The following CFAP47 variants were observed in gnomAD, a reference collection of about 807,000 sequenced individuals.
The protein encoded by CFAP47 is cilia- and flagella-associated protein 47.
A neutral mutation model predicts 148.1 loss-of-function variants in CFAP47; 29 were observed. The ratio of observed to expected loss-of-function variants is 0.20; its 90% confidence interval spans 0.15 to 0.27. The LOEUF (loss-of-function observed/expected upper bound fraction) is 0.27. CFAP47 is among the 10% of genes least tolerant of loss of function. The probability of loss-of-function intolerance (pLI) is 1.00; values close to 1 mark genes in which losing one functional copy is unlikely to be tolerated. For missense variants in CFAP47, 1,872 were observed against 1,697.5 expected (o/e 1.10, Z -1.81); for synonymous variants, 664 against 577.3 (o/e 1.15, Z -2.15).
intron 57 of CFAP47, among the ~76,000 whole-genome samples, chrX:36,326,629 GC>G (rs2146970228): frequency 8.9e-6 from 1 of 111,970 alleles, no homozygotes; most frequent in South Asian, 3.7e-4. Context: ...GCGGCATTTT[GC>G]CCCTGCCCTA....
intron 53 of CFAP47, among the ~76,000 whole-genome samples, chrX:36,301,921 G>A (rs782128413): frequency 3.1e-4 from 34 of 110,557 alleles, no homozygotes; most frequent in Non-Finnish European, 4.7e-4. Context: ...ATACACCGTA[G>A]TGAGCAAATT....
rs111227734 is a variant in CFAP47 at position 36,070,872 on chromosome X, C to T, written c.4319-953C>T. On this transcript the variant is annotated intron_variant, in intron 27 of 63. Transcript: ENST00000378653. ...TGCCATGGCAACATTTGGGAGTTAC[C>T]GCCCCTTTACATGGCAATGATCCAA... Among the ~76,000 whole-genome samples, 1,086 of 111,904 alleles carry T rather than the reference C, an allele frequency of 9.7e-3. 8 individuals are homozygous for T. The highest frequency in any genetic ancestry group is 0.033 in the African/African-American group (1,022 of 30,837).
chrX:35,962,967 GTGTGTA>G (rs1478181319), intron 8 of CFAP47, among the ~76,000 whole-genome samples: 13 of 106,329 alleles, frequency 1.2e-4, no homozygotes, highest in East Asian at 2.9e-4. Context: ...GTGTGTGTGT[GTGTGTA>G]TGTGTATGAA....
chrX:36,313,251 T>C (rs897304246), intron 56 of CFAP47, among the ~76,000 whole-genome samples: 1 of 111,629 alleles, frequency 9.0e-6, no homozygotes, highest in African/African-American at 3.3e-5. Context: ...GAGGTTTAAT[T>C]GACTCACAGT....
chrX:36,025,893 G>A (rs1344736029), intron 22 of CFAP47, among the ~76,000 whole-genome samples: 2 of 111,253 alleles, frequency 1.8e-5, no homozygotes, highest in African/African-American at 6.5e-5. Flanking sequence ...TTTGCCTTTA[G>A]TATTATTCAT....
At chrX:36,326,680 C>T (rs1201946851) in intron 57 of CFAP47, among the ~76,000 whole-genome samples, 1 of 111,920 alleles carries the variant, frequency 8.9e-6, no homozygotes, top group Non-Finnish European at 1.9e-5. Context: ...GATGATTTAG[C>T]GTACCTGCAG....
At chrX:35,960,380 GAAAAAA>G (rs1188987905) in intron 8 of CFAP47, among the ~76,000 whole-genome samples, 226 of 15,451 alleles carry the variant, frequency 0.015, 2 homozygotes, top group East Asian at 0.098. Flanking sequence ...GCTAATTTCT[GAAAAAA>G]AAAAAAAAAA....
chrX:36,114,098 A>G (rs1457695390), intron 33 of CFAP47, among the ~76,000 whole-genome samples: 1 of 111,563 alleles, frequency 9.0e-6, no homozygotes, highest in African/African-American at 3.3e-5. Flanking sequence ...TCAGAAAGCC[A>G]GTCTTCAAGC....
chrX:36,317,383 G>A (rs945792466), intron 56 of CFAP47, among the ~76,000 whole-genome samples: 2 of 109,281 alleles, frequency 1.8e-5, no homozygotes, highest in African/African-American at 6.7e-5. Flanking sequence ...GGGAAGTTGG[G>A]GTATCAAATA....
intron 15 of CFAP47, among the ~76,000 whole-genome samples, chrX:35,978,183 T>C (rs1365476698): frequency 1.8e-5 from 2 of 112,095 alleles, no homozygotes; most frequent in African/African-American, 6.5e-5. Context: ...GTTGTTGTAT[T>C]ATCAGCATTC....
chrX:35,950,309 T>G (rs1253188610), intron 4 of CFAP47, among the ~76,000 whole-genome samples: 1 of 111,928 alleles, frequency 8.9e-6, no homozygotes, highest in East Asian at 2.8e-4. Context: ...GAATTGAAAT[T>G]CATTTGAGAA....
chrX:36,093,885 A>G (rs1157153680), intron 30 of CFAP47, among the ~76,000 whole-genome samples: 1 of 110,939 alleles, frequency 9.0e-6, no homozygotes, highest in Non-Finnish European at 1.9e-5. Flanking sequence ...TGCAGAAGCC[A>G]TGTATTCATT....
intron 57 of CFAP47, among the ~76,000 whole-genome samples, chrX:36,320,154 C>T (rs1941467237): frequency 9.0e-6 from 1 of 111,282 alleles, no homozygotes; most frequent in South Asian, 3.8e-4. Flanking sequence ...ATATTAACCA[C>T]CCCACCTGTG....
intron 8 of CFAP47, among the ~76,000 whole-genome samples, chrX:35,965,197 C>CAATAAAGTCTCTACTCAGTT (rs1936385503): frequency 1.8e-5 from 2 of 111,351 alleles, no homozygotes; most frequent in East Asian, 5.6e-4. Flanking sequence ...TGTGTGCAGC[C>CAATAAAGTCTCTACTCAGTT]AATAAAGTCT....
At chrX:36,382,075 G>T (rs1942083323) in intron 63 of CFAP47, among the ~76,000 whole-genome samples, 1 of 111,109 alleles carries the variant, frequency 9.0e-6, no homozygotes, top group South Asian at 3.8e-4. Context: ...TTGAAATCAG[G>T]ATTGAAATCC....
chrX:36,353,148 T>C (rs1272265165), intron 59 of CFAP47, among the ~76,000 whole-genome samples: 2 of 110,812 alleles, frequency 1.8e-5, no homozygotes, highest in African/African-American at 6.5e-5. Flanking sequence ...TTTAGTATTA[T>C]CACAATGAAC....
intron 51 of CFAP47, among the ~76,000 whole-genome samples, chrX:36,294,822 A>G (rs1556006221): frequency 8.9e-6 from 1 of 112,300 alleles, no homozygotes; most frequent in Non-Finnish European, 1.9e-5. Context: ...TAGGTATTCA[A>G]ACTTCCTCTG....
At chrX:36,359,503 A>G (rs1941810604) in intron 60 of CFAP47, among the ~76,000 whole-genome samples, 1 of 111,997 alleles carries the variant, frequency 8.9e-6, no homozygotes, top group South Asian at 3.7e-4. Context: ...TTTTCTAAAT[A>G]CTTTCTTTTA....
intron 39 of CFAP47, among the ~76,000 whole-genome samples, chrX:36,173,510 C>T (rs762628059): frequency 5.9e-4 from 66 of 111,049 alleles, no homozygotes; most frequent in African/African-American, 2.1e-3. Context: ...TCTTTGTTCT[C>T]GTCGGTTTCA....
Sources: gnomAD v4.1 joint callset for allele counts (sites outside exome capture counted in the v4.1 genomes callset) on GRCh38, gnomAD v4.1.1 for gene constraint, MANE v1.5 for transcripts, NCBI Gene and HGNC (gene_info 2026-07-23, HGNC 2026-07-21) for gene names.